MBNL2: variants seen among roughly 807,000 people sequenced by gnomAD.
MBNL2 encodes the protein muscleblind like splicing regulator 2.
A neutral mutation model predicts 41.9 loss-of-function variants in MBNL2; 17 were observed. The ratio of observed to expected loss-of-function variants is 0.41; its 90% confidence interval spans 0.28 to 0.61. MBNL2 has a LOEUF of 0.61. MBNL2 is among the 20% of genes least tolerant of loss of function. The pLI is 0.35. For synonymous variants in MBNL2, 195 were observed against 182.9 expected, an observed-to-expected ratio of 1.07 and a Z score of -0.53; for missense variants, 336 against 505.6, an observed-to-expected ratio of 0.66 and a Z score of 3.22.
the MBNL2 span, among the ~76,000 whole-genome samples, chr13:97,163,271 C>A: frequency 6.6e-6 from 1 of 152,082 alleles, no homozygotes; most frequent in South Asian, 2.1e-4. Flanking sequence ...AAATCGAGGT[C>A]CAGATACCAT....
the MBNL2 span, among the ~76,000 whole-genome samples, chr13:97,212,567 T>C: frequency 2.6e-5 from 4 of 152,204 alleles, no homozygotes; most frequent in African/African-American, 7.2e-5. Context: ...GTAGAGAACA[T>C]GGCCTCTGAA....
At chr13:97,254,213 A>G (rs2047110498) in intron 1 of MBNL2, among the ~76,000 whole-genome samples, 1 of 152,214 alleles carries the variant, frequency 6.6e-6, no homozygotes, top group African/African-American at 2.4e-5. Flanking sequence ...AATATGTAAA[A>G]TTTTAACTAT....
At chr13:97,192,532 T>C in the MBNL2 span, among the ~76,000 whole-genome samples, 2 of 152,242 alleles carry the variant, frequency 1.3e-5, no homozygotes, top group African/African-American at 4.8e-5. Context: ...CTCCTCAATA[T>C]AGACAGAGGG....
chr13:97,229,488 TAGC>T (rs756803500), intron 1 of MBNL2, among the ~76,000 whole-genome samples: 3 of 152,206 alleles, frequency 2.0e-5, no homozygotes, highest in Admixed American at 6.5e-5. Flanking sequence ...TGTAACATAT[TAGC>T]AGGGTTATGC....
chr13:97,334,261 C>A lies in MBNL2; in HGVS notation c.175-15C>A. On this transcript the variant is annotated splice_polypyrimidine_tract_variant and intron_variant, in intron 2 of 8. Coordinates refer to ENST00000679496, the MANE Select transcript of MBNL2 (RefSeq NM_001382683.1). The surrounding 1 kb of genome is among the most constrained non-coding windows in gnomAD (Gnocchi z 5.3). The stretch of plus-strand genomic sequence containing the variant: ...CTACTTAAAATAGTCCTAAAACCAA[C>A]ACTTGTTTTTACAGGGCCGTTGTTC... 1 of 1,600,650 alleles carries A rather than the reference C, an allele frequency of 6.2e-7. No individual in the cohort carries two copies. The highest frequency in any genetic ancestry group is 8.5e-7 in the Non-Finnish European group (1 of 1,174,130).
chr13:97,332,845 C>G (rs1434848132), intron 2 of MBNL2, among the ~76,000 whole-genome samples: 1 of 152,186 alleles, frequency 6.6e-6, no homozygotes, highest in Non-Finnish European at 1.5e-5. Flanking sequence ...GTCCTTGGCA[C>G]CTGCCTGGTT....
At chr13:97,243,502 G>A (rs934853877) in intron 1 of MBNL2, among the ~76,000 whole-genome samples, 3 of 152,144 alleles carry the variant, frequency 2.0e-5, no homozygotes, top group Admixed American at 6.5e-5. Context: ...GTAGGGGACA[G>A]GGCTGGTCAT....
chr13:97,271,472 A>G (rs545294843), intron 1 of MBNL2, among the ~76,000 whole-genome samples: 1 of 146,466 alleles, frequency 6.8e-6, no homozygotes, highest in African/African-American at 2.7e-5. Flanking sequence ...AAAACAAAAC[A>G]AAAAAAAACA....
chr13:97,199,396 T>C, the MBNL2 span, among the ~76,000 whole-genome samples: 1 of 152,156 alleles, frequency 6.6e-6, no homozygotes, highest in South Asian at 2.1e-4. Context: ...GTCTCCCTAC[T>C]AGAATGAAAG....
chr13:97,258,284 C>A (rs2047946855), intron 1 of MBNL2, among the ~76,000 whole-genome samples: 3 of 151,826 alleles, frequency 2.0e-5, no homozygotes, highest in African/African-American at 7.3e-5. Flanking sequence ...CAATACCTAG[C>A]AGTTAGCTTA....
Position 97,334,495 on chromosome 13 carries a change from G to C in MBNL2, c.339+55G>C. On this transcript the variant is annotated intron_variant, in intron 3 of 8. Coordinates refer to ENST00000679496, the MANE Select transcript of MBNL2 (RefSeq NM_001382683.1). This position sits in a 1 kb window ranked among gnomAD's most constrained non-coding sequence, Gnocchi z 5.3. ...GGATGGTTACAGTGTTGGTATGGAT[G>C]ATGCCACGTTGACCTAGGGTGGCCT... 7.4e-7 allele frequency: 1 copy of C among 1,348,158 alleles called. No homozygotes were observed. The highest frequency in any genetic ancestry group is 1.0e-6 in the Non-Finnish European group (1 of 988,728). 83.5% of individuals were successfully genotyped at this position (1,348,158 alleles called of 1,614,324 possible). A position where few individuals can be genotyped will look rare whatever the true frequency, so the allele number is the denominator to read the frequency against.
At chr13:97,355,221 A>G (rs552890949) in intron 5 of MBNL2, among the ~76,000 whole-genome samples, 1 of 151,774 alleles carries the variant, frequency 6.6e-6, no homozygotes, top group African/African-American at 2.4e-5. Flanking sequence ...CTTCCCAAAC[A>G]TTTTCTTCTC....
At chr13:97,198,495 T>C in the MBNL2 span, among the ~76,000 whole-genome samples, 26 of 148,626 alleles carry the variant, frequency 1.7e-4, no homozygotes, top group Non-Finnish European at 2.4e-4. Flanking sequence ...TTAATATATA[T>C]ATTTAAGATA....
chr13:97,270,764 C>T (rs1223985081), intron 1 of MBNL2, among the ~76,000 whole-genome samples: 1 of 152,150 alleles, frequency 6.6e-6, no homozygotes, highest in Non-Finnish European at 1.5e-5. Context: ...GCATATCTCT[C>T]AGTCCCGTCT....
At chr13:97,199,149 G>C in the MBNL2 span, among the ~76,000 whole-genome samples, 100 of 152,106 alleles carry the variant, frequency 6.6e-4, no homozygotes, top group African/African-American at 2.3e-3. Context: ...GCTGTTTCTG[G>C]CCTTTGCATT....
At position 97,342,363 on chromosome 13, in the gene MBNL2, T is replaced by C. The variant is rs545266485; in HGVS notation, c.340-653T>C. Among the ~76,000 whole-genome samples, 5 of 152,286 alleles carry C rather than the reference T, an allele frequency of 3.3e-5. No homozygotes were observed. In the South Asian group the frequency reaches 1.0e-3, roughly 32 times the overall value. On this transcript the variant is annotated intron_variant, in intron 3 of 8. Coordinates refer to ENST00000679496, the MANE Select transcript of MBNL2 (RefSeq NM_001382683.1). ...ACCAACTTTTAATGGCCAATCACAA[T>C]ATTGTTTGATTAAAAAGCTCTTCCA... is the stretch of plus-strand genomic sequence containing the variant.
intron 8 of MBNL2, among the ~76,000 whole-genome samples, chr13:97,381,843 T>C (rs2065478230): frequency 6.6e-6 from 1 of 151,744 alleles, no homozygotes; most frequent in South Asian, 2.1e-4. Context: ...TTACATATTA[T>C]ATTAATTAAT....
At chr13:97,365,210 T>C in intron 8 of MBNL2, 39 bp downstream of exon 8, 1 of 1,287,122 alleles carries the variant, frequency 7.8e-7, no homozygotes, top group Non-Finnish European at 1.1e-6. Context: ...TTATATGATG[T>C]ACAATACCTT....
the MBNL2 span, among the ~76,000 whole-genome samples, chr13:97,145,662 A>G: frequency 6.6e-6 from 1 of 152,242 alleles, no homozygotes; most frequent in African/African-American, 2.4e-5. Context: ...TTCCGTTGAA[A>G]AAAGCTAAAA....
Sources: allele counts gnomAD v4.1 joint callset (sites outside exome capture counted in the v4.1 genomes callset), GRCh38; gene constraint gnomAD v4.1.1; non-coding constraint Gnocchi (gnomAD v3.1); transcripts MANE v1.5; gene names NCBI Gene and HGNC (gene_info 2026-07-23, HGNC 2026-07-21).